ZIM2: variants seen among roughly 807,000 people sequenced by gnomAD.
ZIM2 encodes the protein zinc finger protein 656.
ZIM2 carries 14 observed loss-of-function variants against 38.6 expected under a neutral mutation model. The ratio of observed to expected loss-of-function variants is 0.36; its 90% CI spans 0.24 to 0.57. The LOEUF (loss-of-function observed/expected upper bound fraction) is 0.57, where lower values mean the gene tolerates loss of function less well. ZIM2 is among the 20% of genes least tolerant of loss of function. The pLI is 0.81. For synonymous variants in ZIM2, 247 were observed against 245.8 expected (o/e 1.00, Z -0.04); for missense variants, 680 against 695.1 (o/e 0.98, Z 0.24).
intron 9 of ZIM2, chr19:56,813,932 A>G (rs1350200412): frequency 2.5e-6 from 4 of 1,614,012 alleles, no homozygotes; most frequent in African/African-American, 1.3e-5. Context: ...CAGTCATAGT[A>G]TGGTTCTTCT....
intron 10 of ZIM2, among the ~76,000 whole-genome samples, chr19:56,785,672 A>G (rs2145884152): frequency 6.6e-6 from 1 of 152,312 alleles, no homozygotes; most frequent in Admixed American, 6.5e-5. Flanking sequence ...ATTGTTGCAA[A>G]GTACATTCCA....
At chr19:56,794,994 A>C (rs889319592) in intron 9 of ZIM2, among the ~76,000 whole-genome samples, 1 of 152,218 alleles carries the variant, frequency 6.6e-6, no homozygotes, top group Non-Finnish European at 1.5e-5. Flanking sequence ...TTTACAAGCC[A>C]ATTATAAATT....
Position 56,775,453 on chromosome 19 carries a change from G to T in ZIM2, c.912C>A (p.Asp304Glu), listed in dbSNP as rs776797607. ...TTCTTTCCGGAGTGAGGGTCTTGGGGTCATTCATTGTTATAGGAGTCAAAA... is the reference window on the plus strand; with the variant it reads ...TTCTTTCCGGAGTGAGGGTCTTGGGTTCATTCATTGTTATAGGAGTCAAAA... ...EKLLTPITMN[D>E]PKTLTPERSY... Residue 304 changes from aspartate (D) to glutamate (E), a missense_variant, in exon 13 of 13, where the codon GAC becomes GAA. Physicochemically the swap from Asp to Glu is conservative, Grantham distance 45. Transcript: ENST00000629319. The T allele has an allele frequency of 1.9e-6, 3 of 1,613,974 alleles. No individual in the cohort carries two copies. Among genetic ancestry groups the T allele is most frequent in the East Asian group, 4.5e-5 (2 of 44,850 alleles).
intron 9 of ZIM2, chr19:56,811,135 T>C: frequency 1.0e-6 from 1 of 982,894 alleles, no homozygotes. Flanking sequence ...TTTCCAAGTG[T>C]GTGATAATGA....
At chr19:56,836,171 AC>A in intron 1 of ZIM2, 67 bp from the exon 2 acceptor site, 1 of 425,566 alleles carries the variant, frequency 2.3e-6, no homozygotes, top group Non-Finnish European at 4.8e-6. Context: ...TCAGGGGGGA[AC>A]AATACCACAA....
In ZIM2 at chr19:56,786,530, A is replaced by G. The variant is rs141679539; in HGVS notation, c.570+3342T>C. On this transcript the variant is annotated intron_variant, in intron 10 of 12. Coordinates refer to ENST00000629319, the MANE Select transcript of ZIM2 (RefSeq NM_001387356.1). ...TTATTCATTATTTTGGAGGAAATAC[A>G]TGGTAGGACATAACTACCTTTCCTT... Among the ~76,000 whole-genome samples, 143 of 152,360 alleles carry G rather than the reference A, an allele frequency of 9.4e-4. 2 individuals carry two copies. The East Asian group carries it at 0.019, about 20-fold the overall frequency.
chr19:56,809,825 C>T (rs190011515), intron 9 of ZIM2, among the ~76,000 whole-genome samples: 9 of 152,186 alleles, frequency 5.9e-5, no homozygotes, highest in East Asian at 3.9e-4. Context: ...GATGTACTTG[C>T]GGTCATTATC....
At chr19:56,813,443 G>A (rs2059680163) in intron 9 of ZIM2, 3 of 1,350,046 alleles carry the variant, frequency 2.2e-6, no homozygotes, top group Middle Eastern at 2.8e-4. Context: ...AAGGTAAGAT[G>A]TGTGCTATGG....
intron 9 of ZIM2, among the ~76,000 whole-genome samples, chr19:56,800,934 CTTTTTT>C (rs776316373): frequency 7.4e-6 from 1 of 135,994 alleles, no homozygotes; most frequent in East Asian, 2.1e-4. Context: ...GATGGTATTA[CTTTTTT>C]TTTTTTTTTT....
At chr19:56,839,072 T>C (rs1441037439) in intron 1 of ZIM2, among the ~76,000 whole-genome samples, 3 of 143,226 alleles carry the variant, frequency 2.1e-5, no homozygotes, top group African/African-American at 7.9e-5. Flanking sequence ...GCGGGCCTTG[T>C]CTCGCCCAAC....
chr19:56,816,098 A>C (rs1322298301), intron 9 of ZIM2: 2 of 1,609,824 alleles, frequency 1.2e-6, no homozygotes, highest in East Asian at 2.2e-5. Flanking sequence ...ACAGAGGCTA[A>C]GCTATGAATA....
intron 5 of ZIM2, 38 bp downstream of exon 5, chr19:56,823,552 C>A: frequency 6.8e-6 from 11 of 1,612,536 alleles, no homozygotes; most frequent in Non-Finnish European, 9.3e-6. Flanking sequence ...CATCTGGCAG[C>A]GCCTGCCCAT....
chr19:56,797,894 A>G (rs2047312094), intron 9 of ZIM2: 1 of 152,210 alleles, frequency 6.6e-6, no homozygotes, highest in Non-Finnish European at 1.5e-5. Context: ...TTTTGTGCAC[A>G]GTAAGGAAAA....
rs2045920095 is a variant in ZIM2 at position 56,774,807 on chromosome 19, T to C, written c.1558A>G (p.Thr520Ala). The change falls in exon 13 of 13, where the codon ACT (threonine) becomes GCT (alanine). Residue 520 changes from threonine to alanine, a missense_variant. Physicochemically the swap from Thr to Ala is moderately conservative, Grantham distance 58. Transcript: ENST00000629319. ...SYLIQHYRTH[T>A]QERPYQCQLC... is the part of the protein sequence containing the mutation. ...TGACACTGGTAAGGCCTCTCTTGAG[T>C]GTGAGTTCTATAATGCTGAATGAGA... The C allele has an allele frequency of 6.2e-7, 1 of 1,614,056 alleles. No individual in the cohort carries two copies. The highest frequency in any genetic ancestry group is 8.5e-7 in the Non-Finnish European group (1 of 1,180,008).
chr19:56,825,681 G>T (rs1303410934), intron 3 of ZIM2, among the ~76,000 whole-genome samples: 1 of 152,042 alleles, frequency 6.6e-6, no homozygotes, highest in African/African-American at 2.4e-5. Flanking sequence ...AACTAAGTAA[G>T]GCAATATGGG....
intron 5 of ZIM2, 83 bp downstream of exon 5, chr19:56,823,507 T>C (rs1380463743): frequency 1.9e-6 from 3 of 1,539,694 alleles, no homozygotes; most frequent in Non-Finnish European, 1.8e-6. Context: ...GTCATCTTCA[T>C]GGAGGCCCCA....
At chr19:56,811,441 A>G in intron 9 of ZIM2, 5 of 934,660 alleles carry the variant, frequency 5.3e-6, no homozygotes, top group Non-Finnish European at 6.4e-6. Flanking sequence ...ACGTTGCTAC[A>G]TAACTCGTGA....
At chr19:56,839,250 CCAG>C (rs1360668551) in intron 1 of ZIM2, among the ~76,000 whole-genome samples, 1 of 129,792 alleles carries the variant, frequency 7.7e-6, no homozygotes, top group Non-Finnish European at 1.7e-5. Context: ...GCAGCAAACT[CCAG>C]CAGCCCCCAT....
rs889756006 is a variant in ZIM2, at chr19:56,774,643, A to G, written c.*45T>C. The G allele has an allele frequency of 5.7e-6, 9 of 1,583,904 alleles. No homozygotes were observed. Among genetic ancestry groups the G allele is most frequent in the Non-Finnish European group, 7.7e-6 (9 of 1,164,226 alleles). On this transcript the variant is annotated 3_prime_UTR_variant, in exon 13 of 13. Transcript: ENST00000629319. ...CTCACACTCACAACACTCTAGGAGG[A>G]AGCCAATAATGTTGAGAAAAGTGTG... is the stretch of plus-strand genomic sequence containing the variant.
Sources: gnomAD v4.1 joint callset for allele counts (sites outside exome capture counted in the v4.1 genomes callset) on GRCh38, gnomAD v4.1.1 for gene constraint, MANE v1.5 for transcripts, NCBI Gene and HGNC (gene_info 2026-07-23, HGNC 2026-07-21) for gene names.